IFNG-AS1: variants seen among roughly 807,000 people sequenced by gnomAD.
The protein encoded by IFNG-AS1 is IFNG antisense RNA 1 (non-protein coding).
At chr12:67,998,325 AT>A (rs1363074310) in intron 2 of IFNG-AS1, among the ~76,000 whole-genome samples, 1 of 152,036 alleles carries the variant, frequency 6.6e-6, no homozygotes, top group Non-Finnish European at 1.5e-5. Flanking sequence ...CTGTGAACCT[AT>A]TTGGATTGTT....
intron 2 of IFNG-AS1, among the ~76,000 whole-genome samples, chr12:67,996,991 C>A (rs1219358132): frequency 6.6e-6 from 1 of 151,912 alleles, no homozygotes; most frequent in African/African-American, 2.4e-5. Context: ...TATAAAATAG[C>A]AGGATAAAAA....
chr12:67,990,533 T>C (rs1879483479), intron 1 of IFNG-AS1, among the ~76,000 whole-genome samples: 1 of 152,114 alleles, frequency 6.6e-6, no homozygotes, highest in South Asian at 2.1e-4. Flanking sequence ...ATATGACCAA[T>C]AGAAGCTTTC....
intron 3 of IFNG-AS1, among the ~76,000 whole-genome samples, chr12:68,009,349 T>G (rs1312550236): frequency 1.3e-5 from 2 of 152,116 alleles, no homozygotes; most frequent in African/African-American, 4.8e-5. Flanking sequence ...TGTTTTTGTT[T>G]TGTTTTGTTT....
chr12:67,990,174 A>G (rs764193497), intron 1 of IFNG-AS1, among the ~76,000 whole-genome samples: 2 of 152,186 alleles, frequency 1.3e-5, no homozygotes, highest in Admixed American at 6.5e-5. Context: ...GTATTCTTAC[A>G]TTTGCTTTTG....
intron 2 of IFNG-AS1, among the ~76,000 whole-genome samples, chr12:67,997,563 TG>T (rs1471262782): frequency 6.6e-6 from 1 of 150,980 alleles, no homozygotes; most frequent in African/African-American, 2.4e-5. Context: ...AAAACATGGG[TG>T]AATTTCTATT....
At chr12:68,012,539 C>A (rs1880056266) in intron 3 of IFNG-AS1, among the ~76,000 whole-genome samples, 1 of 152,238 alleles carries the variant, frequency 6.6e-6, no homozygotes, top group South Asian at 2.1e-4. Context: ...GTGCAACCAG[C>A]TTCCTTCTCC....
At chr12:68,001,495 C>T (rs1208755665) in intron 2 of IFNG-AS1, 2 of 251,244 alleles carry the variant, frequency 8.0e-6, no homozygotes, top group Admixed American at 3.8e-5. Flanking sequence ...GATGATTTTG[C>T]TTTTGTTTCT....
chr12:67,997,461 T>C (rs1443909441), intron 2 of IFNG-AS1, among the ~76,000 whole-genome samples: 1 of 151,810 alleles, frequency 6.6e-6, no homozygotes, highest in East Asian at 1.9e-4. Context: ...TAAGTTTAGA[T>C]CCATATCTCA....
chr12:67,994,956 A>C (rs1879599996), intron 1 of IFNG-AS1, among the ~76,000 whole-genome samples: 1 of 152,254 alleles, frequency 6.6e-6, no homozygotes, highest in Non-Finnish European at 1.5e-5. Flanking sequence ...TATGTTTCAT[A>C]AATTGTATAT....
At chr12:68,017,634 G>A (rs998162932) in intron 3 of IFNG-AS1, among the ~76,000 whole-genome samples, 1 of 152,106 alleles carries the variant, frequency 6.6e-6, no homozygotes, top group African/African-American at 2.4e-5. Flanking sequence ...TTACCAAGGG[G>A]AGGCACTAAA....
chr12:68,008,127 AGAGATACAG>A (rs1284642843), intron 3 of IFNG-AS1, among the ~76,000 whole-genome samples: 1 of 152,198 alleles, frequency 6.6e-6, no homozygotes, highest in East Asian at 1.9e-4. Context: ...TTTAAAAATT[AGAGATACAG>A]CCAGGCGCAG....
intron 3 of IFNG-AS1, among the ~76,000 whole-genome samples, chr12:68,007,256 T>C (rs1879926619): frequency 6.6e-6 from 1 of 152,248 alleles, no homozygotes; most frequent in Admixed American, 6.5e-5. Flanking sequence ...ACTTCAGTTA[T>C]GCAAAGTCCC....
At chr12:68,011,062 C>T (rs1880015039) in intron 3 of IFNG-AS1, among the ~76,000 whole-genome samples, 1 of 152,110 alleles carries the variant, frequency 6.6e-6, no homozygotes, top group Non-Finnish European at 1.5e-5. Flanking sequence ...TGGATCAGTC[C>T]ATTTGGGCAC....
At chr12:67,998,443 AAAAAG>A (rs1351479604) in intron 2 of IFNG-AS1, among the ~76,000 whole-genome samples, 8 of 151,592 alleles carry the variant, frequency 5.3e-5, no homozygotes. Context: ...AGACCAAAAA[AAAAAG>A]AAAAAGAAAA....
intron 3 of IFNG-AS1, among the ~76,000 whole-genome samples, chr12:68,018,763 T>C (rs1488302974): frequency 7.4e-6 from 1 of 134,508 alleles, no homozygotes; most frequent in Non-Finnish European, 1.6e-5. Flanking sequence ...TTTTATTTTG[T>C]TTTGTTTTGT....
chr12:68,014,065 C>A (rs4913269), intron 3 of IFNG-AS1, among the ~76,000 whole-genome samples: 2 of 152,196 alleles, frequency 1.3e-5, no homozygotes, highest in South Asian at 2.1e-4. Flanking sequence ...CCTCAGTTAC[C>A]TCACTTAGAA....
chr12:68,018,622 G>A (rs953240293), intron 3 of IFNG-AS1, among the ~76,000 whole-genome samples: 2 of 151,986 alleles, frequency 1.3e-5, no homozygotes, highest in Non-Finnish European at 2.9e-5. Context: ...AGGTGGGGTG[G>A]GGAGGAAGAA....
chr12:68,018,296 C>T (rs145345913), intron 3 of IFNG-AS1, among the ~76,000 whole-genome samples: 3 of 152,148 alleles, frequency 2.0e-5, no homozygotes, highest in Admixed American at 1.3e-4. Flanking sequence ...AGAACCTAGT[C>T]TGTTGTTGTA....
At chr12:68,011,637 C>T (rs1435653372) in intron 3 of IFNG-AS1, among the ~76,000 whole-genome samples, 1 of 152,164 alleles carries the variant, frequency 6.6e-6, no homozygotes. Flanking sequence ...AATGAGAAAA[C>T]TCAAATGCAG....
Sources: allele counts gnomAD v4.1 joint callset (sites outside exome capture counted in the v4.1 genomes callset), GRCh38; gene constraint gnomAD v4.1.1; transcripts MANE v1.5; gene names NCBI Gene and HGNC (gene_info 2026-07-23, HGNC 2026-07-21).